The following SLC30A9 variants were observed in gnomAD, a reference collection of about 807,000 sequenced individuals.
SLC30A9 encodes the protein solute carrier family 30 member 9.
A neutral mutation model predicts 87.5 loss-of-function variants in SLC30A9; 58 were observed. That is an observed-to-expected ratio of 0.66 (90% CI 0.54 to 0.82). SLC30A9 has a LOEUF of 0.82. SLC30A9 is among the 40% of genes least tolerant of loss of function. SLC30A9 has a pLI of 0.00. For missense variants in SLC30A9, 557 were observed against 679.1 expected (o/e 0.82, Z 2.00); for synonymous variants, 234 against 233.0 (o/e 1.00, Z -0.04).
chr4:42,021,631 A>G (rs1485563868), intron 4 of SLC30A9, among the ~76,000 whole-genome samples: 1 of 152,232 alleles, frequency 6.6e-6, no homozygotes, highest in Non-Finnish European at 1.5e-5. Flanking sequence ...ATTCCTTTGA[A>G]TGGATATTAC....
chr4:42,059,009 T>C (rs1717739167), intron 9 of SLC30A9, among the ~76,000 whole-genome samples: 2 of 152,204 alleles, frequency 1.3e-5, no homozygotes, highest in African/African-American at 4.8e-5. Context: ...GGTAAAAGCT[T>C]ATAATATTCT....
At chr4:42,031,759 C>T (rs891684612) in intron 6 of SLC30A9, among the ~76,000 whole-genome samples, 13 of 152,168 alleles carry the variant, frequency 8.5e-5, no homozygotes, top group Non-Finnish European at 1.6e-4. Flanking sequence ...ATTGCACTCA[C>T]ATATTTTTAT....
intron 8 of SLC30A9, among the ~76,000 whole-genome samples, chr4:42,043,355 C>A (rs932092073): frequency 2.0e-5 from 3 of 151,988 alleles, no homozygotes; most frequent in Non-Finnish European, 4.4e-5. Context: ...ACTAGAATAA[C>A]CAGTTTAGAG....
At chr4:42,064,021 A>G (rs1577717192) in intron 11 of SLC30A9, among the ~76,000 whole-genome samples, 1 of 151,962 alleles carries the variant, frequency 6.6e-6, no homozygotes, top group African/African-American at 2.4e-5. Flanking sequence ...CCAATGATCT[A>G]CTCTGCTGAT....
chr4:42,010,359 C>G (rs1715385527), intron 2 of SLC30A9, among the ~76,000 whole-genome samples: 1 of 152,126 alleles, frequency 6.6e-6, no homozygotes, highest in Non-Finnish European at 1.5e-5. Context: ...TGCTTGTAGT[C>G]CCAGCTACTT....
chr4:42,020,216 T>C (rs1715890411), intron 3 of SLC30A9, among the ~76,000 whole-genome samples, 200 bp from the exon 4 acceptor site: 1 of 152,212 alleles, frequency 6.6e-6, no homozygotes, highest in South Asian at 2.1e-4. Context: ...AGATGACATA[T>C]AGAGACAAAA....
chr4:42,061,688 G>A (rs1255705171), intron 10 of SLC30A9, among the ~76,000 whole-genome samples: 6 of 151,688 alleles, frequency 4.0e-5, no homozygotes, highest in Admixed American at 2.6e-4. Flanking sequence ...ACCTAAGGTC[G>A]GGAGTTCGAG....
At position 42,018,940 on chromosome 4, in the gene SLC30A9, A is replaced by T. The variant is rs183977486; in HGVS notation, c.334+770A>T. Among the ~76,000 whole-genome samples the T allele has an allele frequency of 5.5e-3, 830 of 152,066 alleles. 4 individuals carry two copies. The highest frequency in any genetic ancestry group is 0.018 in the African/African-American group (752 of 41,494). ...CTATTTGGAAGAAATTTTTTTAAAA[A>T]TTTTTTAAAAATTTAAAAGGCGGTT... On this transcript the variant is annotated intron_variant, in intron 3 of 17. Coordinates refer to ENST00000264451, the MANE Select transcript of SLC30A9 (RefSeq NM_006345.4).
intron 1 of SLC30A9, among the ~76,000 whole-genome samples, chr4:41,992,236 G>A (rs1049288993): frequency 6.6e-6 from 1 of 151,938 alleles, no homozygotes; most frequent in Non-Finnish European, 1.5e-5. Flanking sequence ...CTGTACTCAG[G>A]AGGCTGAGGT....
chr4:42,005,923 G>A lies in SLC30A9; in HGVS notation c.274+4143G>A, dbSNP rs185004374. On this transcript the variant is annotated intron_variant, in intron 2 of 17. Coordinates refer to ENST00000264451, the MANE Select transcript of SLC30A9 (RefSeq NM_006345.4). ...AAATTAAGCAAACAAATATTGTATTGTAACATTTAGCCCTGTATTCATGTG... is the reference window on the plus strand; with the variant it reads ...AAATTAAGCAAACAAATATTGTATTATAACATTTAGCCCTGTATTCATGTG... Among the ~76,000 whole-genome samples, 5 of 152,226 alleles carry A rather than the reference G, an allele frequency of 3.3e-5. No individual in the cohort carries two copies. The East Asian group carries it at 9.7e-4, about 29-fold the overall frequency.
At chr4:42,040,361 A>G (rs2153137528) in intron 8 of SLC30A9, among the ~76,000 whole-genome samples, 1 of 152,314 alleles carries the variant, frequency 6.6e-6, no homozygotes, top group Non-Finnish European at 1.5e-5. Context: ...CTTAAGAAGT[A>G]TTATTGTTAA....
At chr4:42,007,749 T>C (rs1455103980) in intron 2 of SLC30A9, among the ~76,000 whole-genome samples, 4 of 152,130 alleles carry the variant, frequency 2.6e-5, no homozygotes. Flanking sequence ...AGAGCAAGAC[T>C]CCATCTCAAA....
At chr4:42,023,195 C>A in intron 5 of SLC30A9, 107 bp from the exon 6 acceptor site, 1 of 804,088 alleles carries the variant, frequency 1.2e-6, no homozygotes, top group Non-Finnish European at 2.1e-6. Context: ...TCTCCAAAAG[C>A]ACCTTACACT....
At chr4:42,030,210 G>A (rs1372680984) in intron 6 of SLC30A9, 8 of 343,162 alleles carry the variant, frequency 2.3e-5, no homozygotes, top group South Asian at 8.5e-5. Context: ...ACTGTCATAT[G>A]TATGGGACCT....
At chr4:42,001,082 C>A (rs1363262524) in intron 1 of SLC30A9, among the ~76,000 whole-genome samples, 1 of 152,024 alleles carries the variant, frequency 6.6e-6, no homozygotes, top group African/African-American at 2.4e-5. Context: ...AATTAGTCTT[C>A]TATTCTTCAC....
intron 13 of SLC30A9, 130 bp downstream of exon 13, chr4:42,066,751 A>C: frequency 1.7e-6 from 1 of 589,022 alleles, no homozygotes; most frequent in Non-Finnish European, 2.9e-6. Flanking sequence ...TGTGGCTCTT[A>C]CATATCCTTC....
chr4:42,071,488 T>C (rs1199932403), intron 15 of SLC30A9, among the ~76,000 whole-genome samples: 1 of 152,138 alleles, frequency 6.6e-6, no homozygotes, highest in Non-Finnish European at 1.5e-5. Flanking sequence ...AAAGTAACTA[T>C]CTTATTGGAA....
intron 8 of SLC30A9, among the ~76,000 whole-genome samples, chr4:42,042,513 G>C (rs1716964243): frequency 6.6e-6 from 1 of 152,194 alleles, no homozygotes; most frequent in Non-Finnish European, 1.5e-5. Context: ...TAGCCAGACT[G>C]CCTCTCTAGA....
intron 3 of SLC30A9, 59 bp from the exon 4 acceptor site, chr4:42,020,357 C>T: frequency 1.3e-6 from 1 of 794,890 alleles, no homozygotes; most frequent in Non-Finnish European, 2.1e-6. Context: ...AGCCTATATT[C>T]ATCTTCACAT....
Sources: gnomAD v4.1 joint callset for allele counts (sites outside exome capture counted in the v4.1 genomes callset) on GRCh38, gnomAD v4.1.1 for gene constraint, MANE v1.5 for transcripts, NCBI Gene and HGNC (gene_info 2026-07-23, HGNC 2026-07-21) for gene names.